Variants in CC2D2A observed in about 807,000 individuals in gnomAD.
CC2D2A encodes the protein coiled-coil and C2 domain-containing protein 2A.
In CC2D2A, 155 loss-of-function variants were observed where a neutral mutation model predicts 212.9. That is an observed-to-expected ratio of 0.73 (90% confidence interval 0.64 to 0.83). The LOEUF is 0.83. Among genes scored for constraint, CC2D2A ranks in the 40% least tolerant of loss-of-function variants. The pLI is 0.00. For missense variants in CC2D2A, 1,856 were observed against 1,956.2 expected (o/e 0.95, Z 0.97); for synonymous variants, 667 against 686.5 (o/e 0.97, Z 0.44).
At chr4:15,587,689 T>C (rs1236047657) in intron 31 of CC2D2A, 127 bp from the exon 32 acceptor site, 2 of 492,892 alleles carry the variant, frequency 4.1e-6, no homozygotes, top group Non-Finnish European at 7.2e-6. Flanking sequence ...GTATCAAAAT[T>C]TCGGGCAAGA....
chr4:15,550,761 T>A, intron 17 of CC2D2A, 63 bp from the exon 18 acceptor site: 1 of 1,227,362 alleles, frequency 8.1e-7, no homozygotes, highest in East Asian at 2.4e-5. Context: ...ATGGACTGAT[T>A]ATCTGAGCGT....
At chr4:15,492,822 G>A (rs1715384333) in intron 4 of CC2D2A, 1 of 642,046 alleles carries the variant, frequency 1.6e-6, no homozygotes, top group Non-Finnish European at 2.9e-6. Flanking sequence ...AGTGGTCACT[G>A]AGGGCAATGC....
chr4:15,515,010 A>C, intron 9 of CC2D2A, 141 bp downstream of exon 9: 1 of 705,404 alleles, frequency 1.4e-6, no homozygotes, highest in Non-Finnish European at 2.3e-6. Flanking sequence ...TCTTCAAACA[A>C]ACAAAAAAAA....
chr4:15,516,112 G>T (rs1046665918), intron 10 of CC2D2A, 108 bp downstream of exon 10: 1 of 1,156,018 alleles, frequency 8.7e-7, no homozygotes, highest in Admixed American at 3.5e-5. Flanking sequence ...TCCTCTTGAG[G>T]TTATCCACAG....
rs1366760196 is a variant in CC2D2A, at chr4:15,483,550, AAAG to A, written c.247+2727_247+2729del. Among the ~76,000 whole-genome samples, 4 of 152,188 alleles carry A rather than the reference AAAG, an allele frequency of 2.6e-5. No homozygotes were observed. The East Asian group carries it at 5.8e-4, about 22-fold the overall frequency. The stretch of plus-strand genomic sequence containing the variant: ...AAGGAAAATCAGCCTCCTTCTTTTG[AAAG>A]AAGGAGTGTCAAAGAATGTATGGAC... On this transcript the variant is annotated intron_variant, in intron 4 of 36. Coordinates refer to ENST00000424120, the MANE Select transcript of CC2D2A (RefSeq NM_001378615.1).
chr4:15,542,113 T>C (rs556712892), intron 17 of CC2D2A, among the ~76,000 whole-genome samples: 11 of 152,196 alleles, frequency 7.2e-5, no homozygotes, highest in Non-Finnish European at 1.2e-4. Context: ...TCTTATTGGA[T>C]TTAGGGCCCA....
At chr4:15,600,515 C>T (rs997663261) in intron 36 of CC2D2A, among the ~76,000 whole-genome samples, 7 of 152,250 alleles carry the variant, frequency 4.6e-5, no homozygotes, top group East Asian at 1.9e-4. Flanking sequence ...GAGAACATCA[C>T]GTGCCATTAT....
At chr4:15,488,990 C>T (rs1715155852) in intron 4 of CC2D2A, among the ~76,000 whole-genome samples, 2 of 152,218 alleles carry the variant, frequency 1.3e-5, no homozygotes, top group Non-Finnish European at 2.9e-5. Context: ...AAAGTACACA[C>T]ACTCCCCCAT....
At chr4:15,495,577 G>A (rs1715570575) in intron 4 of CC2D2A, among the ~76,000 whole-genome samples, 2 of 152,112 alleles carry the variant, frequency 1.3e-5, no homozygotes, top group Admixed American at 6.5e-5. Context: ...TCTTTTTTAT[G>A]GCTATGTAGT....
Position 15,514,821 on chromosome 4 carries a change from C to T in CC2D2A, c.832C>T (p.Arg278Trp), listed in dbSNP as rs372873919. The change falls in exon 9 of 37, where the codon CGG becomes TGG. Residue 278 changes from arginine to tryptophan, a missense_variant. By Grantham distance (101) the Arg-to-Trp change is moderately radical. This residue lies in a region of CC2D2A where 1,512 missense variants were observed against 1,579.3 expected (regional missense o/e 0.96). Transcript: ENST00000424120. Reference protein sequence around the residue: ...RPADYESIHDRLQMEREMLFI... With the variant: ...RPADYESIHDWLQMEREMLFI... ...TGCAGATTATGAAAGCATCCATGAT[C>T]GGCTGCAGATGGAAAGAGAAATGCT... The T allele has an allele frequency of 1.9e-5, 31 of 1,613,716 alleles. No individual in the cohort carries two copies. The highest frequency in any genetic ancestry group is 2.7e-5 in the African/African-American group (2 of 74,914).
intron 16 of CC2D2A, among the ~76,000 whole-genome samples, chr4:15,540,263 TA>T (rs1270152459): frequency 6.6e-6 from 1 of 152,002 alleles, no homozygotes; most frequent in Non-Finnish European, 1.5e-5. Context: ...ATATGTACAA[TA>T]AAATTAAAGA....
rs535858882 is a variant in CC2D2A, at chr4:15,529,926, G to C, written c.1466+1200G>C. 6.7e-5 allele frequency among the ~76,000 whole-genome samples: 10 copies of C among 148,456 alleles called. No homozygotes were observed. In the South Asian group the frequency reaches 2.1e-3, roughly 31 times the overall value. On this transcript the variant is annotated intron_variant, in intron 13 of 36. Coordinates refer to ENST00000424120, the MANE Select transcript of CC2D2A (RefSeq NM_001378615.1). ...AATTTTATTATTATTAAGTTTTAGG[G>C]TACATGTGCACAACGTGCAGGTTTG... is the stretch of plus-strand genomic sequence containing the variant.
chr4:15,536,797 A>C, intron 14 of CC2D2A, 123 bp from the exon 15 acceptor site: 2 of 833,712 alleles, frequency 2.4e-6, no homozygotes, highest in South Asian at 3.7e-5. Flanking sequence ...TTGTGAGTTT[A>C]CATGTGCGAC....
chr4:15,566,695 G>T (rs1176752289), intron 24 of CC2D2A, among the ~76,000 whole-genome samples: 1 of 152,174 alleles, frequency 6.6e-6, no homozygotes. Flanking sequence ...TCTCAAGCTG[G>T]GCATGGTGGC....
rs1487352537 is a variant in CC2D2A, at chr4:15,563,490, T to G, written c.3150T>G (p.Ala1050=). Residue 1050 remains alanine (A), a synonymous_variant, in exon 24 of 37, where the codon GCT becomes GCG. Coordinates refer to ENST00000424120, the MANE Select transcript of CC2D2A (RefSeq NM_001378615.1). ...AGCTGCTGGTGAACATTGTGCGAGC[T>G]TACGACATTCCAGTGAGGAAGCCGG... is the stretch of plus-strand genomic sequence containing the variant. ...DIKLLVNIVR[A]YDIPVRKPAV... The G allele has an allele frequency of 1.2e-6, 2 of 1,612,412 alleles. No individual in the cohort carries two copies. Among genetic ancestry groups the G allele is most frequent in the Non-Finnish European group, 1.7e-6 (2 of 1,179,400 alleles).
intron 14 of CC2D2A, 67 bp downstream of exon 14, chr4:15,533,400 G>T: frequency 8.5e-7 from 1 of 1,179,044 alleles, no homozygotes; most frequent in Non-Finnish European, 1.2e-6. Flanking sequence ...ATAAAACATG[G>T]ATACAGTTTT....
intron 11 of CC2D2A, among the ~76,000 whole-genome samples, chr4:15,522,831 A>C (rs1717287643): frequency 6.6e-6 from 1 of 152,156 alleles, no homozygotes; most frequent in African/African-American, 2.4e-5. Flanking sequence ...AAGTTGTTGA[A>C]AAGCAGGCCC....
At chr4:15,562,445 T>A (rs922133700) in intron 23 of CC2D2A, among the ~76,000 whole-genome samples, 1 of 152,272 alleles carries the variant, frequency 6.6e-6, no homozygotes, top group African/African-American at 2.4e-5. Context: ...TCACTGACTC[T>A]GTTGCTTTCA....
chr4:15,498,497 C>G (rs945097051), intron 4 of CC2D2A, among the ~76,000 whole-genome samples: 1 of 152,124 alleles, frequency 6.6e-6, no homozygotes. Context: ...AGCCCTTCCT[C>G]GAGCCTGGCA....
Sources: gnomAD v4.1 joint callset for allele counts (sites outside exome capture counted in the v4.1 genomes callset) on GRCh38, gnomAD v4.1.1 for gene constraint, gnomAD v4.1.1 regional missense constraint, MANE v1.5 for transcripts, NCBI Gene and HGNC (gene_info 2026-07-23, HGNC 2026-07-21) for gene names.